The following FAM184A variants were observed in gnomAD, a reference collection of about 807,000 sequenced individuals.
FAM184A encodes protein FAM184A.
A neutral mutation model predicts 143.8 loss-of-function variants in FAM184A; 99 were observed. The observed-to-expected ratio is 0.69, with a 90% CI of 0.58 to 0.81. The LOEUF (loss-of-function observed/expected upper bound fraction) is 0.81, where lower values mean the gene tolerates loss of function less well. Among genes scored for constraint, FAM184A ranks in the 40% least tolerant of loss-of-function variants. The probability of loss-of-function intolerance (pLI) is 0.00; values close to 1 mark genes in which losing one functional copy is unlikely to be tolerated. For synonymous variants in FAM184A, 427 were observed against 446.4 expected, an observed-to-expected ratio of 0.96 and a Z score of 0.55; for missense variants, 1,217 against 1,310.5, an observed-to-expected ratio of 0.93 and a Z score of 1.10.
intron 1 of FAM184A, among the ~76,000 whole-genome samples, chr6:119,073,447 T>C (rs113646060): frequency 2.0e-5 from 3 of 152,200 alleles, no homozygotes; most frequent in Non-Finnish European, 2.9e-5. Context: ...CCAGAGACGA[T>C]AGAAATGACA....
At position 119,024,729 on chromosome 6, in the gene FAM184A, G is replaced by C. The variant is rs759361409; in HGVS notation, c.244C>G (p.Gln82Glu). The C allele has an allele frequency of 1.4e-5, 22 of 1,613,448 alleles. No homozygotes were observed. Among genetic ancestry groups the C allele is most frequent in the Non-Finnish European group, 1.9e-5 (22 of 1,179,890 alleles). Reference protein sequence around the residue: ...LKDAHEEEIQQILAETREKIL... With the variant: ...LKDAHEEEIQEILAETREKIL... ...TTTTCTCTTGTTTCAGCAAGAATTT[G>C]TTGAATTTCTTCTTCATGAGCATCT... Residue 82 changes from glutamine to glutamate, a missense_variant, in exon 2 of 18, where the codon CAA (glutamine) becomes GAA (glutamate). Gln to Glu is a conservative substitution (Grantham distance 29). Coordinates refer to ENST00000338891, the MANE Select transcript of FAM184A (RefSeq NM_024581.6).
At chr6:119,092,215 G>A (rs1444347273) in intron 1 of FAM184A, among the ~76,000 whole-genome samples, 1 of 152,150 alleles carries the variant, frequency 6.6e-6, no homozygotes, top group Non-Finnish European at 1.5e-5. Context: ...ATGGCTTACT[G>A]AAGCCTCGAC....
intron 6 of FAM184A, 191 bp downstream of exon 6, chr6:119,011,118 T>C: frequency 2.0e-6 from 1 of 498,102 alleles, no homozygotes; most frequent in Middle Eastern, 5.5e-4. Context: ...TTAATGTTTT[T>C]GACAGTAAAT....
chr6:118,966,180 T>TA (rs1407934996), intron 15 of FAM184A, among the ~76,000 whole-genome samples: 1 of 152,212 alleles, frequency 6.6e-6, no homozygotes, highest in Admixed American at 6.5e-5. Flanking sequence ...TTTTGCATGC[T>TA]AAAGTCCAAA....
At chr6:119,127,454 A>G (rs1313948626) in intron 1 of FAM184A, among the ~76,000 whole-genome samples, 4 of 152,230 alleles carry the variant, frequency 2.6e-5, no homozygotes, top group African/African-American at 9.6e-5. Flanking sequence ...TTTAGAAAAA[A>G]TATCTAAACA....
rs772792925 is a variant in FAM184A, at chr6:119,024,690, T to C, written c.283A>G (p.Lys95Glu). The change falls in exon 2 of 18, where the codon AAA becomes GAA. Residue 95 changes from lysine (K) to glutamate (E), a missense_variant. Physicochemically the swap from Lys to Glu is moderately conservative, Grantham distance 56. Coordinates refer to ENST00000338891, the MANE Select transcript of FAM184A (RefSeq NM_024581.6). ...AETREKILQYKSKVTEELDLR... is the reference protein window; with the variant it reads ...AETREKILQYESKVTEELDLR... ...TCTAGCTCCTCTGTTACTTTGCTTT[T>C]ATACTGCAATATTTTTTCTCTTGTT... is the stretch of plus-strand genomic sequence containing the variant. 7.4e-6 allele frequency: 12 copies of C among 1,613,958 alleles called. No individual in the cohort carries two copies. Among genetic ancestry groups the C allele is most frequent in the Non-Finnish European group, 1.0e-5 (12 of 1,180,038 alleles).
At chr6:119,025,263 A>G (rs1226599037) in intron 1 of FAM184A, among the ~76,000 whole-genome samples, 8 of 152,134 alleles carry the variant, frequency 5.3e-5, no homozygotes, top group African/African-American at 1.9e-4. Context: ...ACATGAAGAG[A>G]AGCCCTAGGC....
At chr6:119,101,849 A>G (rs1166335657) in intron 1 of FAM184A, among the ~76,000 whole-genome samples, 1 of 152,126 alleles carries the variant, frequency 6.6e-6, no homozygotes, top group Non-Finnish European at 1.5e-5. Flanking sequence ...CGAGGTCAGG[A>G]GTTCAAGACC....
At chr6:118,974,359 T>C in intron 14 of FAM184A, 69 bp downstream of exon 14, 1 of 1,407,316 alleles carries the variant, frequency 7.1e-7, no homozygotes. Flanking sequence ...TAACAGCTAA[T>C]CTGAGGTTAA....
At chr6:119,067,454 T>C (rs1206725211) in intron 1 of FAM184A, among the ~76,000 whole-genome samples, 2 of 152,234 alleles carry the variant, frequency 1.3e-5, no homozygotes, top group East Asian at 1.9e-4. Context: ...GACTCCCTAT[T>C]TGTAAATTAT....
chr6:119,127,573 T>A (rs1789405103), intron 1 of FAM184A, among the ~76,000 whole-genome samples: 1 of 152,148 alleles, frequency 6.6e-6, no homozygotes, highest in African/African-American at 2.4e-5. Context: ...ACTATCTAAT[T>A]ATGTGATCCC....
At position 119,089,206 on chromosome 6, in the gene FAM184A, A is replaced by T. The variant is rs868862089; in HGVS notation, c.-202+59872T>A. 4.4e-3 allele frequency among the ~76,000 whole-genome samples: 601 copies of T among 135,736 alleles called. 4 individuals are homozygous for T. The highest frequency in any genetic ancestry group is 0.013 in the African/African-American group (476 of 37,368). 89.0% of individuals were successfully genotyped at this position (135,736 alleles called of 152,430 possible). A position where few individuals can be genotyped will look rare whatever the true frequency, so the allele number is the denominator to read the frequency against. ...TCTCTCTTTATTTATTTATTTATTT[A>T]TTTTTTTATTTTTTTGAGACAGAGT... On this transcript the variant is annotated intron_variant, in intron 1 of 16. Coordinates refer to the FAM184A transcript ENST00000352896.
chr6:119,003,810 T>G, intron 7 of FAM184A, among the ~76,000 whole-genome samples, 188 bp from the exon 8 acceptor site: 1 of 152,332 alleles, frequency 6.6e-6, no homozygotes, highest in Non-Finnish European at 1.5e-5. Context: ...AAATTTTATA[T>G]TTTACATGTT....
chr6:119,139,102 G>A (rs1772122180), intron 1 of FAM184A, among the ~76,000 whole-genome samples: 1 of 152,104 alleles, frequency 6.6e-6, no homozygotes, highest in South Asian at 2.1e-4. Context: ...GATGGGGCTT[G>A]GTCCTGCCCA....
intron 1 of FAM184A, among the ~76,000 whole-genome samples, chr6:119,073,591 A>G (rs755092564): frequency 6.6e-6 from 1 of 152,118 alleles, no homozygotes; most frequent in Admixed American, 6.5e-5. Context: ...GGTTTCAGAG[A>G]TTTCCCTGGG....
At chr6:119,013,666 T>A (rs1378293306) in intron 5 of FAM184A, among the ~76,000 whole-genome samples, 1 of 152,210 alleles carries the variant, frequency 6.6e-6, no homozygotes, top group Non-Finnish European at 1.5e-5. Flanking sequence ...TTAATTTTTG[T>A]CTCTGGCTAC....
At chr6:119,134,433 C>T (rs781333318) in intron 1 of FAM184A, among the ~76,000 whole-genome samples, 1 of 151,880 alleles carries the variant, frequency 6.6e-6, no homozygotes, top group African/African-American at 2.4e-5. Flanking sequence ...GAGAGGATTG[C>T]TTGAGTCCCG....
chr6:119,122,906 C>T (rs566393381), intron 1 of FAM184A, among the ~76,000 whole-genome samples: 104 of 114,836 alleles, frequency 9.1e-4, no homozygotes, highest in Non-Finnish European at 1.0e-3. Flanking sequence ...GCCTGAGCAA[C>T]GGAGGAAGAC....
At position 119,000,098 on chromosome 6, in the gene FAM184A, T is replaced by A. The variant is rs1431921650; in HGVS notation, c.2088+2801A>T. On this transcript the variant is annotated intron_variant, in intron 9 of 17. Transcript: ENST00000338891. ...AAAATTCCATAGTTCTGTGTCTCAATGGTCTGTGCATCTCCCTTAATTTTT... is the reference window on the plus strand; with the variant it reads ...AAAATTCCATAGTTCTGTGTCTCAAAGGTCTGTGCATCTCCCTTAATTTTT... 2.0e-5 allele frequency among the ~76,000 whole-genome samples: 3 copies of A among 152,304 alleles called. No individual in the cohort carries two copies. In the East Asian group the frequency reaches 5.8e-4, roughly 29 times the overall value.
Sources: allele counts gnomAD v4.1 joint callset (sites outside exome capture counted in the v4.1 genomes callset), GRCh38; gene constraint gnomAD v4.1.1; transcripts MANE v1.5; gene names NCBI Gene and HGNC (gene_info 2026-07-23, HGNC 2026-07-21).